Variants in CNTNAP2 observed in about 807,000 individuals in gnomAD.
The protein encoded by CNTNAP2 is contactin-associated protein-like 2.
Under a neutral mutation model 155.2 loss-of-function variants are expected in CNTNAP2, and 98 were observed. That is an observed-to-expected ratio of 0.63 (90% confidence interval 0.54 to 0.75). The LOEUF is 0.75. CNTNAP2 is among the 30% of genes least tolerant of loss of function. CNTNAP2 has a pLI of 0.00. For synonymous variants in CNTNAP2, 651 were observed against 631.2 expected, an observed-to-expected ratio of 1.03 and a Z score of -0.47; for missense variants, 1,727 against 1,688.1, an observed-to-expected ratio of 1.02 and a Z score of -0.40.
At chr7:146,202,583 CAATT>C (rs1236457009) in intron 1 of CNTNAP2, among the ~76,000 whole-genome samples, 1 of 151,902 alleles carries the variant, frequency 6.6e-6, no homozygotes, top group East Asian at 1.9e-4. Context: ...ATGTTTAAGA[CAATT>C]AATTTAAATA....
intron 1 of CNTNAP2, among the ~76,000 whole-genome samples, chr7:146,192,150 C>T (rs1403629581): frequency 6.6e-6 from 1 of 152,272 alleles, no homozygotes; most frequent in Non-Finnish European, 1.5e-5. Context: ...CTTCTGCCAT[C>T]GCTTCAGCCG....
intron 17 of CNTNAP2, among the ~76,000 whole-genome samples, chr7:148,148,198 A>AT (rs974427314): frequency 6.6e-6 from 1 of 152,174 alleles, no homozygotes; most frequent in Non-Finnish European, 1.5e-5. Flanking sequence ...GCAGAGAAAG[A>AT]TTTAGACTTT....
chr7:146,932,781 T>C (rs1195295513), intron 3 of CNTNAP2, among the ~76,000 whole-genome samples: 2 of 152,078 alleles, frequency 1.3e-5, no homozygotes, highest in African/African-American at 4.8e-5. Flanking sequence ...CAAGCATTCT[T>C]ATACACCAAT....
At chr7:147,243,016 T>TTTTTTTTTTTTTTTTTGG (rs1803977056) in intron 8 of CNTNAP2, among the ~76,000 whole-genome samples, 1 of 121,004 alleles carries the variant, frequency 8.3e-6, no homozygotes, top group Non-Finnish European at 1.8e-5. Context: ...TTTTTTTTTT[T>TTTTTTTTTTTTTTTTTGG]GAGAGGGAGT....
chr7:147,418,779 G>A (rs1273801371), intron 10 of CNTNAP2, among the ~76,000 whole-genome samples: 3 of 152,158 alleles, frequency 2.0e-5, no homozygotes, highest in African/African-American at 7.2e-5. Context: ...CTCTATAAAA[G>A]AAAGTGGGAC....
At chr7:147,566,806 A>G (rs1477873389) in intron 12 of CNTNAP2, among the ~76,000 whole-genome samples, 1 of 152,154 alleles carries the variant, frequency 6.6e-6, no homozygotes, top group Non-Finnish European at 1.5e-5. Flanking sequence ...TCAATAATTC[A>G]ATAGAGAGAG....
intron 3 of CNTNAP2, among the ~76,000 whole-genome samples, chr7:146,858,950 T>C (rs1206100646): frequency 6.6e-6 from 1 of 152,146 alleles, no homozygotes; most frequent in African/African-American, 2.4e-5. Context: ...AATCTGGCAT[T>C]GGAGAAATGA....
chr7:148,144,116 C>A (rs1805129959), intron 16 of CNTNAP2, among the ~76,000 whole-genome samples: 1 of 152,230 alleles, frequency 6.6e-6, no homozygotes, highest in South Asian at 2.1e-4. Context: ...CTCCATGGGT[C>A]TCTTCCACTT....
At chr7:148,009,712 T>G (rs935312355) in intron 15 of CNTNAP2, among the ~76,000 whole-genome samples, 2 of 152,034 alleles carry the variant, frequency 1.3e-5, no homozygotes, top group African/African-American at 4.8e-5. Context: ...ATTTATCCTT[T>G]TATGAACTTG....
chr7:147,161,734 A>G (rs1367316495), intron 8 of CNTNAP2: 1 of 152,184 alleles, frequency 6.6e-6, no homozygotes, highest in Non-Finnish European at 1.5e-5. Flanking sequence ...CAAAATTGAA[A>G]TATTTTCCTG....
chr7:146,143,791 C>A (rs770848312), intron 1 of CNTNAP2, among the ~76,000 whole-genome samples: 1 of 151,122 alleles, frequency 6.6e-6, no homozygotes, highest in Non-Finnish European at 1.5e-5. Context: ...GAAATGGAGT[C>A]TCCTTCTGTC....
At chr7:147,049,334 T>A (rs572145035) in intron 4 of CNTNAP2, among the ~76,000 whole-genome samples, 7 of 152,322 alleles carry the variant, frequency 4.6e-5, no homozygotes, top group South Asian at 2.1e-4. Context: ...CATTTTAAAA[T>A]ATATATATGT....
chr7:147,042,976 T>C (rs1302705710), intron 3 of CNTNAP2, among the ~76,000 whole-genome samples: 3 of 152,154 alleles, frequency 2.0e-5, no homozygotes, highest in African/African-American at 7.2e-5. Context: ...TATATGAAGC[T>C]GAAACTGCTC....
chr7:148,175,815 T>G (rs952815006), intron 18 of CNTNAP2, among the ~76,000 whole-genome samples: 2 of 151,992 alleles, frequency 1.3e-5, no homozygotes, highest in Non-Finnish European at 1.5e-5. Flanking sequence ...ATTCTGTTTT[T>G]CCCTCCTCTC....
intron 14 of CNTNAP2, among the ~76,000 whole-genome samples, chr7:147,921,011 A>G (rs557235608): frequency 1.3e-5 from 2 of 151,600 alleles, no homozygotes; most frequent in South Asian, 2.1e-4. Flanking sequence ...GGGTTTCACC[A>G]TGTTAGCCAG....
intron 14 of CNTNAP2, among the ~76,000 whole-genome samples, chr7:147,915,554 C>CTG (rs201864461): frequency 1.6e-4 from 24 of 151,668 alleles, no homozygotes; most frequent in African/African-American, 5.1e-4. Context: ...ATGTGCTTGT[C>CTG]TGTGTGTGTG....
chr7:148,045,145 G>C (rs1235190840), intron 15 of CNTNAP2, among the ~76,000 whole-genome samples: 3 of 152,178 alleles, frequency 2.0e-5, no homozygotes, highest in African/African-American at 4.8e-5. Flanking sequence ...TTGACTCACA[G>C]ATCCAGAGCA....
chr7:146,698,804 C>T (rs1247743626), intron 1 of CNTNAP2, among the ~76,000 whole-genome samples: 1 of 151,986 alleles, frequency 6.6e-6, no homozygotes, highest in African/African-American at 2.4e-5. Context: ...AGAATGTGCT[C>T]TTCCATATTT....
intron 1 of CNTNAP2, among the ~76,000 whole-genome samples, chr7:146,176,706 C>A (rs1472464019): frequency 6.6e-6 from 1 of 152,108 alleles, no homozygotes; most frequent in Non-Finnish European, 1.5e-5. Context: ...GGCTAAGTTC[C>A]TGGCCTCCGT....
Sources: gnomAD v4.1 joint callset for allele counts (sites outside exome capture counted in the v4.1 genomes callset) on GRCh38, gnomAD v4.1.1 for gene constraint, MANE v1.5 for transcripts, NCBI Gene and HGNC (gene_info 2026-07-23, HGNC 2026-07-21) for gene names.